The following TRAPPC9 variants were observed in gnomAD, a reference collection of about 807,000 sequenced individuals.
The protein encoded by TRAPPC9 is IKK2 binding protein.
In TRAPPC9, 83 loss-of-function variants were observed where a neutral mutation model predicts 124.0. The ratio of observed to expected loss-of-function variants is 0.67; its 90% CI spans 0.56 to 0.80. The LOEUF (loss-of-function observed/expected upper bound fraction) is 0.80, where lower values mean the gene tolerates loss of function less well. Among genes scored for constraint, TRAPPC9 ranks in the 30% least tolerant of loss-of-function variants. The pLI is 0.00. For synonymous variants in TRAPPC9, 638 were observed against 617.5 expected (o/e 1.03, Z -0.49); for missense variants, 1,302 against 1,508.3 (o/e 0.86, Z 2.27).
intron 20 of TRAPPC9, among the ~76,000 whole-genome samples, chr8:139,900,942 T>C (rs1353188982): frequency 6.6e-6 from 1 of 151,732 alleles, no homozygotes; most frequent in African/African-American, 2.4e-5. Context: ...TTGGAACCTG[T>C]AGACCTGAGG....
At chr8:140,282,698 C>T (rs28627622) in intron 14 of TRAPPC9, among the ~76,000 whole-genome samples, 2,570 of 152,154 alleles carry the variant, frequency 0.017, 60 homozygotes, top group African/African-American at 0.059. Flanking sequence ...TTTGTAAAGG[C>T]ATGAAGAAAA....
chr8:140,155,674 T>C lies in TRAPPC9; in HGVS notation c.2556+65785A>G, dbSNP rs1455509631. 2.0e-5 allele frequency among the ~76,000 whole-genome samples: 3 copies of C among 151,730 alleles called. No individual in the cohort carries two copies. The South Asian group carries it at 6.2e-4, about 32-fold the overall frequency. On this transcript the variant is annotated intron_variant, in intron 17 of 22. Coordinates refer to ENST00000438773, the MANE Select transcript of TRAPPC9 (RefSeq NM_001160372.4). ...ACCCTTCAGCCAAAAAAGATACATT[T>C]CTTTGGGTCTATTGACATGGGACCC...
chr8:139,790,638 G>C (rs964897575), intron 21 of TRAPPC9, among the ~76,000 whole-genome samples: 3 of 152,186 alleles, frequency 2.0e-5, no homozygotes, highest in Admixed American at 6.5e-5. Context: ...TCAGTGGGTA[G>C]AGAGCATGGA....
At chr8:140,292,174 C>A (rs62527545) in intron 11 of TRAPPC9, among the ~76,000 whole-genome samples, 13,094 of 152,196 alleles carry the variant, frequency 0.086, 617 homozygotes, top group African/African-American at 0.12. Context: ...TTAGGCAAAC[C>A]AGAAGGAATT....
chr8:139,901,697 G>T (rs975501403), intron 20 of TRAPPC9, among the ~76,000 whole-genome samples: 2 of 152,212 alleles, frequency 1.3e-5, no homozygotes, highest in Non-Finnish European at 1.5e-5. Flanking sequence ...TGGTAAGTGG[G>T]GATAATGCGA....
intron 11 of TRAPPC9, among the ~76,000 whole-genome samples, chr8:140,291,694 C>A (rs549661085): frequency 6.6e-6 from 1 of 152,338 alleles, no homozygotes; most frequent in African/African-American, 2.4e-5. Context: ...TGATTGAGGA[C>A]CCCAATCCGT....
At chr8:140,419,448 A>AAGC in intron 5 of TRAPPC9, among the ~76,000 whole-genome samples, 1 of 94,776 alleles carries the variant, frequency 1.1e-5, no homozygotes, top group Non-Finnish European at 2.0e-5. Flanking sequence ...AAAAAAAAAA[A>AAGC]AAAACAAAAC....
intron 19 of TRAPPC9, among the ~76,000 whole-genome samples, chr8:139,963,251 G>C (rs1021590921): frequency 6.6e-5 from 10 of 152,026 alleles, no homozygotes; most frequent in Non-Finnish European, 1.3e-4. Flanking sequence ...CTCTCCCTTG[G>C]AGCCTTGCAC....
chr8:139,901,474 G>T (rs1342204767), intron 20 of TRAPPC9, among the ~76,000 whole-genome samples: 1 of 152,216 alleles, frequency 6.6e-6, no homozygotes, highest in African/African-American at 2.4e-5. Flanking sequence ...TCCCTGGTGT[G>T]AGAGACCCAA....
rs1025513276 is a variant in TRAPPC9 at position 140,216,770 on chromosome 8, C to A, written c.2556+4689G>T. Among the ~76,000 whole-genome samples the A allele has an allele frequency of 2.0e-5, 3 of 152,230 alleles. No homozygotes were observed. Among genetic ancestry groups the A allele is most frequent in the African/African-American group, 7.2e-5 (3 of 41,460 alleles). On this transcript the variant is annotated intron_variant, in intron 17 of 22. Coordinates refer to ENST00000438773, the MANE Select transcript of TRAPPC9 (RefSeq NM_001160372.4). This position sits in a 1 kb window ranked among gnomAD's most constrained non-coding sequence, Gnocchi z 4.1. ...TGCTAGCTCACCCCAGCTTCTTCTTCCTTCAATACTCCACTTGAGTGCAAC... is the reference window on the plus strand; with the variant it reads ...TGCTAGCTCACCCCAGCTTCTTCTTACTTCAATACTCCACTTGAGTGCAAC...
chr8:140,385,272 G>A (rs953258125), intron 7 of TRAPPC9, among the ~76,000 whole-genome samples: 1 of 152,140 alleles, frequency 6.6e-6, no homozygotes, highest in Non-Finnish European at 1.5e-5. Flanking sequence ...AGAGAAGCAA[G>A]AGCAAACACA....
intron 21 of TRAPPC9, among the ~76,000 whole-genome samples, chr8:139,817,754 C>A (rs925682494): frequency 1.3e-5 from 2 of 152,222 alleles, no homozygotes; most frequent in African/African-American, 4.8e-5. Flanking sequence ...CAGCCATGAG[C>A]TGCTCACTCC....
intron 21 of TRAPPC9, among the ~76,000 whole-genome samples, chr8:139,780,746 G>A (rs569576026): frequency 4.3e-4 from 65 of 151,906 alleles, no homozygotes; most frequent in African/African-American, 1.4e-3. Flanking sequence ...AAGACAAGCC[G>A]TAGCAAATAT....
intron 15 of TRAPPC9, among the ~76,000 whole-genome samples, chr8:140,264,108 C>T (rs939076534): frequency 1.3e-5 from 2 of 152,132 alleles, no homozygotes; most frequent in African/African-American, 4.8e-5. Context: ...GTAAAAATAG[C>T]CTAATAAAAG....
At chr8:139,976,328 C>T (rs1228743409) in intron 19 of TRAPPC9, among the ~76,000 whole-genome samples, 2 of 152,098 alleles carry the variant, frequency 1.3e-5, no homozygotes, top group Non-Finnish European at 2.9e-5. Context: ...AACTATAAAA[C>T]TTCTAAAAAC....
intron 21 of TRAPPC9, among the ~76,000 whole-genome samples, chr8:139,749,009 G>T (rs1439692772): frequency 6.6e-6 from 1 of 152,116 alleles, no homozygotes; most frequent in Non-Finnish European, 1.5e-5. Flanking sequence ...CCAGAGAGAA[G>T]ACATAAAGTG....
At chr8:140,207,498 C>G (rs1415539667) in intron 17 of TRAPPC9, among the ~76,000 whole-genome samples, 1 of 152,230 alleles carries the variant, frequency 6.6e-6, no homozygotes, top group East Asian at 1.9e-4. Context: ...GCAAGAAATG[C>G]AATAAAAGCA....
intron 17 of TRAPPC9, among the ~76,000 whole-genome samples, chr8:140,169,063 T>C (rs1200091165): frequency 2.6e-5 from 4 of 152,006 alleles, no homozygotes; most frequent in Non-Finnish European, 1.5e-5. Flanking sequence ...ATGCATGAGG[T>C]AAGCAAGGGG....
At chr8:139,846,725 G>A (rs923583629) in intron 21 of TRAPPC9, among the ~76,000 whole-genome samples, 11 of 152,198 alleles carry the variant, frequency 7.2e-5, no homozygotes, top group African/African-American at 2.7e-4. Flanking sequence ...CCGGAGTTGG[G>A]CATGGAGGAG....
Sources: gnomAD v4.1 joint callset for allele counts (sites outside exome capture counted in the v4.1 genomes callset) on GRCh38, gnomAD v4.1.1 for gene constraint, Gnocchi (gnomAD v3.1) non-coding constraint, MANE v1.5 for transcripts, NCBI Gene and HGNC (gene_info 2026-07-23, HGNC 2026-07-21) for gene names.